Variants in EPS8 observed in about 807,000 individuals in gnomAD.
The protein encoded by EPS8 is EGFR pathway substrate 8, signaling adaptor.
In EPS8, 42 loss-of-function variants were observed where a neutral mutation model predicts 103.8. The observed-to-expected ratio is 0.40, with a 90% CI of 0.32 to 0.52. EPS8 has a LOEUF of 0.52. Among genes scored for constraint, EPS8 ranks in the 20% least tolerant of loss-of-function variants. The pLI is 0.40. For missense variants in EPS8, 969 were observed against 1,005.1 expected (o/e 0.96, Z 0.49); for synonymous variants, 344 against 344.6 (o/e 1.00, Z 0.02).
In EPS8 at chr12:15,693,727, A is replaced by G. The variant is rs1946205218; in HGVS notation, c.-21-10755T>C. Among the ~76,000 whole-genome samples the G allele has an allele frequency of 6.6e-6, 1 of 152,222 alleles. No individual in the cohort carries two copies. The highest frequency in any genetic ancestry group is 1.5e-5 in the Non-Finnish European group (1 of 68,032). On this transcript the variant is annotated intron_variant, in intron 1 of 20. Transcript: ENST00000281172. The surrounding 1 kb of genome is among the most constrained non-coding windows in gnomAD (Gnocchi z 5.6). ...CTATGCAGCCATAAAAAGGAATGAA[A>G]ACATGTCCTTTGCAGGGACGTGGAT...
rs970407531 is a variant in EPS8 at position 15,727,416 on chromosome 12, T to A, written c.-21-44444A>T. On this transcript the variant is annotated intron_variant, in intron 1 of 20. Coordinates refer to ENST00000281172, the MANE Select transcript of EPS8 (RefSeq NM_004447.6). The surrounding 1 kb of genome is among the most constrained non-coding windows in gnomAD (Gnocchi z 4.3). Reference sequence around the variant, plus strand: ...TTTACTTGTGTCCATCACTCCTCATTCTTGTGTTTTATTTTAAACATAATT... The same window carrying A: ...TTTACTTGTGTCCATCACTCCTCATACTTGTGTTTTATTTTAAACATAATT... Among the ~76,000 whole-genome samples, 7 of 152,224 alleles carry A rather than the reference T, an allele frequency of 4.6e-5. No homozygotes were observed. The highest frequency in any genetic ancestry group is 1.7e-4 in the African/African-American group (7 of 41,448).
rs1037497979 is a variant in EPS8, at chr12:15,780,698, G to A, written c.-22+8463C>T. The A allele has an allele frequency of 6.6e-6, 1 of 152,126 alleles. No homozygotes were observed. The highest frequency in any genetic ancestry group is 2.4e-5 in the African/African-American group (1 of 41,402). 9.4% of individuals were successfully genotyped at this position (152,126 alleles called of 1,614,324 possible). On this transcript the variant is annotated intron_variant, in intron 1 of 20. Coordinates refer to ENST00000281172, the MANE Select transcript of EPS8 (RefSeq NM_004447.6). The surrounding 1 kb of genome is among the most constrained non-coding windows in gnomAD (Gnocchi z 4.1). The stretch of plus-strand genomic sequence containing the variant: ...AGCTCCACACTGTACTAAAACGGGT[G>A]TCTGGCTGCCTCCATTCTCTGAGCC...
At chr12:15,629,720 T>C (rs1945010794) in intron 18 of EPS8, among the ~76,000 whole-genome samples, 1 of 152,200 alleles carries the variant, frequency 6.6e-6, no homozygotes, top group Non-Finnish European at 1.5e-5. Context: ...AAATTGGACA[T>C]ACCGTGGGAG....
In EPS8 at chr12:15,764,350, C is replaced by G. The variant is rs1947071842; in HGVS notation, c.-22+24811G>C. On this transcript the variant is annotated intron_variant, in intron 1 of 20. Coordinates refer to ENST00000281172, the MANE Select transcript of EPS8 (RefSeq NM_004447.6). The surrounding 1 kb of genome is among the most constrained non-coding windows in gnomAD (Gnocchi z 4.1). ...AGCTTTGGGTGGGGACACAGTGAAA[C>G]CATATCAATCAGTCAAGTTAGAAGG... is the stretch of plus-strand genomic sequence containing the variant. Among the ~76,000 whole-genome samples the G allele has an allele frequency of 6.6e-6, 1 of 152,156 alleles. No homozygotes were observed. Among genetic ancestry groups the G allele is most frequent in the South Asian group, 2.1e-4 (1 of 4,834 alleles).
chr12:15,746,949 C>T (rs1198082703), intron 1 of EPS8, among the ~76,000 whole-genome samples: 2 of 152,154 alleles, frequency 1.3e-5, no homozygotes. Context: ...ACTCACCCTC[C>T]TTTCTTACCA....
intron 18 of EPS8, among the ~76,000 whole-genome samples, 164 bp from the exon 19 acceptor site, chr12:15,624,571 A>G (rs1591796593): frequency 6.6e-6 from 1 of 152,154 alleles, no homozygotes. Context: ...TGCCATGATC[A>G]ATTATTAAAA....
Position 15,702,879 on chromosome 12 carries a change from G to A in EPS8, c.-21-19907C>T, listed in dbSNP as rs1281971034. On this transcript the variant is annotated intron_variant, in intron 1 of 20. Coordinates refer to ENST00000281172, the MANE Select transcript of EPS8 (RefSeq NM_004447.6). This position sits in a 1 kb window ranked among gnomAD's most constrained non-coding sequence, Gnocchi z 5.1. ...AATAAGTTCATTCGAGGCTGGGCGC[G>A]GTGGCTCAGGCCTTTAATCCCAGCA... Among the ~76,000 whole-genome samples, 6 of 152,176 alleles carry A rather than the reference G, an allele frequency of 3.9e-5. No homozygotes were observed. Among genetic ancestry groups the A allele is most frequent in the Admixed American group, 2.6e-4 (4 of 15,276 alleles).
rs938777420 is a variant in EPS8, at chr12:15,704,118, G to A, written c.-21-21146C>T. Among the ~76,000 whole-genome samples, 5 of 151,642 alleles carry A rather than the reference G, an allele frequency of 3.3e-5. No individual in the cohort carries two copies. Among genetic ancestry groups the A allele is most frequent in the African/African-American group, 9.7e-5 (4 of 41,286 alleles). ...GTTTTCCTGCTGGGTTTTTTTGTTC[G>A]TTCATTTAAAATATCCCTTTAATGG... On this transcript the variant is annotated intron_variant, in intron 1 of 20. Coordinates refer to ENST00000281172, the MANE Select transcript of EPS8 (RefSeq NM_004447.6). This position sits in a 1 kb window ranked among gnomAD's most constrained non-coding sequence, Gnocchi z 4.6.
chr12:15,740,697 A>G (rs1456055803), intron 1 of EPS8, among the ~76,000 whole-genome samples: 1 of 152,162 alleles, frequency 6.6e-6, no homozygotes, highest in Non-Finnish European at 1.5e-5. Flanking sequence ...CTAAAGAATA[A>G]GACAGTCTCT....
rs1945711206 is a variant in EPS8 at position 15,666,421 on chromosome 12, T to C, written c.599+19A>G. 4 of 1,592,386 alleles carry C rather than the reference T, an allele frequency of 2.5e-6. No homozygotes were observed. Among genetic ancestry groups the C allele is most frequent in the Non-Finnish European group, 3.4e-6 (4 of 1,162,696 alleles). On this transcript the variant is annotated intron_variant, in intron 7 of 20. Transcript: ENST00000281172. ...GAAACAAATCAATTCCACTCCTTGA[T>C]TTCTTTCAATGCTTTTACCTCAGGG...
Position 15,666,516 on chromosome 12 carries a change from G to T in EPS8, c.523C>A (p.Leu175Ile). ...LFQCDEVKAN[L>I]ISEDIESAIS... ...GCACTTTCAATATCTTCACTAATTA[G>T]GTTTGCCTGCAAAGAGACACAAGTT... The change falls in exon 7 of 21, where the codon CTA (leucine) becomes ATA (isoleucine). Residue 175 changes from leucine (L) to isoleucine (I), a missense_variant. Coordinates refer to ENST00000281172, the MANE Select transcript of EPS8 (RefSeq NM_004447.6). 6.2e-7 allele frequency: 1 copy of T among 1,612,836 alleles called. No homozygotes were observed. Among genetic ancestry groups the T allele is most frequent in the South Asian group, 1.1e-5 (1 of 91,006 alleles).
chr12:15,656,221 T>C (rs1945505700), intron 12 of EPS8, among the ~76,000 whole-genome samples: 2 of 67,942 alleles, frequency 2.9e-5, no homozygotes, highest in African/African-American at 5.5e-5. Context: ...TACTCTAAGA[T>C]AGCATCAAAA....
chr12:15,681,083 T>C (rs1285956472), intron 3 of EPS8, 143 bp downstream of exon 3: 9 of 373,730 alleles, frequency 2.4e-5, no homozygotes, highest in African/African-American at 4.2e-5. Flanking sequence ...ATAAAAACTC[T>C]TCTTTAAAAT....
rs1947016654 is a variant in EPS8, at chr12:15,759,122, T to C, written c.-22+30039A>G. ...CATATTATCAAAATTAGCTTATGTG[T>C]TAATATTTCATAATATGGTATTGTT... On this transcript the variant is annotated intron_variant, in intron 1 of 20. Transcript: ENST00000281172. The surrounding 1 kb of genome is among the most constrained non-coding windows in gnomAD (Gnocchi z 4.9). Among the ~76,000 whole-genome samples, 1 of 152,162 alleles carries C rather than the reference T, an allele frequency of 6.6e-6. No homozygotes were observed. Among genetic ancestry groups the C allele is most frequent in the Non-Finnish European group, 1.5e-5 (1 of 67,996 alleles).
intron 1 of EPS8, among the ~76,000 whole-genome samples, chr12:15,722,877 T>C (rs1946612264): frequency 2.0e-5 from 3 of 151,926 alleles, no homozygotes; most frequent in Admixed American, 2.0e-4. Context: ...CTTCATACTA[T>C]CACATCGAAG....
At position 15,760,283 on chromosome 12, in the gene EPS8, A is replaced by G. The variant is rs1947027843; in HGVS notation, c.-22+28878T>C. Among the ~76,000 whole-genome samples, 1 of 152,110 alleles carries G rather than the reference A, an allele frequency of 6.6e-6. No individual in the cohort carries two copies. Among genetic ancestry groups the G allele is most frequent in the Non-Finnish European group, 1.5e-5 (1 of 67,960 alleles). On this transcript the variant is annotated intron_variant, in intron 1 of 20. Coordinates refer to ENST00000281172, the MANE Select transcript of EPS8 (RefSeq NM_004447.6). This position sits in a 1 kb window ranked among gnomAD's most constrained non-coding sequence, Gnocchi z 4.5. ...AATCCAAAACCTGAACAGACCAAAA[A>G]TAAGTAATAAAATTGAAGGTGTAAT...
rs1591839932 is a variant in EPS8 at position 15,670,879 on chromosome 12, C to T, written c.181G>A (p.Asp61Asn). ...YARDSVSSVS[D>N]ISQYRVEHLT... ...ACTTCAACACGGTATTGAGATATAT[C>T]TGACACACTGCTGACACTGTCCCGT... is the stretch of plus-strand genomic sequence containing the variant. Residue 61 changes from aspartate (D) to asparagine (N), a missense_variant, in exon 4 of 21, where the codon GAT (aspartate) becomes AAT (asparagine). Coordinates refer to ENST00000281172, the MANE Select transcript of EPS8 (RefSeq NM_004447.6). 6.2e-7 allele frequency: 1 copy of T among 1,612,148 alleles called. No homozygotes were observed. Among genetic ancestry groups the T allele is most frequent in the East Asian group, 2.2e-5 (1 of 44,774 alleles).
Position 15,670,947 on chromosome 12 carries a change from A to G in EPS8, c.137-24T>C, listed in dbSNP as rs199950460. On this transcript the variant is annotated intron_variant, in intron 3 of 20. Transcript: ENST00000281172. ...TTCTGAAAGAGAAATTGAAAAAGCC[A>G]TGATTTGTCCCCTAATAGACTGAAG... is the stretch of plus-strand genomic sequence containing the variant. 559 of 1,589,346 alleles carry G rather than the reference A, an allele frequency of 3.5e-4. 1 individual carries two copies. The African/African-American group carries it at 6.5e-3, about 19-fold the overall frequency.
chr12:15,654,262 G>A lies in EPS8; in HGVS notation c.1133C>T (p.Ala378Val), dbSNP rs746598664. The A allele has an allele frequency of 6.2e-7, 1 of 1,613,386 alleles. No homozygotes were observed. The highest frequency in any genetic ancestry group is 1.1e-5 in the South Asian group (1 of 91,068). The change falls in exon 13 of 21, where the codon GCC (alanine) becomes GTC (valine). Residue 378 changes from alanine (A) to valine (V), a missense_variant. Transcript: ENST00000281172. ...CAATAGGGGACTAAGTACTGAACTGGCTAGTTCAGGACCTCCTGTTGCCTG... is the reference window on the plus strand; with the variant it reads ...CAATAGGGGACTAAGTACTGAACTGACTAGTTCAGGACCTCCTGTTGCCTG... ...VVQATGGPELASSVLSPLLNK... is the reference protein window; with the variant it reads ...VVQATGGPELVSSVLSPLLNK...
Sources: gnomAD v4.1 joint callset for allele counts (sites outside exome capture counted in the v4.1 genomes callset) on GRCh38, gnomAD v4.1.1 for gene constraint, Gnocchi (gnomAD v3.1) non-coding constraint, MANE v1.5 for transcripts, NCBI Gene and HGNC (gene_info 2026-07-23, HGNC 2026-07-21) for gene names.